BAK1: variants seen among roughly 807,000 people sequenced by gnomAD.
BAK1 encodes BCL2 antagonist/killer 1.
In BAK1, 19 loss-of-function variants were observed where a neutral mutation model predicts 24.7. That is an observed-to-expected ratio of 0.77 (90% CI 0.54 to 1.13). The LOEUF is 1.13. BAK1 is among the 50% of genes most tolerant of loss of function. The probability of loss-of-function intolerance (pLI) is 0.00; values close to 1 mark genes in which losing one functional copy is unlikely to be tolerated. For synonymous variants in BAK1, 86 were observed against 107.3 expected, an observed-to-expected ratio of 0.80 and a Z score of 1.23; for missense variants, 194 against 279.4, an observed-to-expected ratio of 0.69 and a Z score of 2.18.
At position 33,577,950 on chromosome 6, in the gene BAK1, G is replaced by A. The variant is rs1178892663; in HGVS notation, c.-31-315C>T. 6.6e-6 allele frequency among the ~76,000 whole-genome samples: 1 copy of A among 152,196 alleles called. No individual in the cohort carries two copies. The highest frequency in any genetic ancestry group is 1.9e-4 in the East Asian group (1 of 5,196). ...ACTTACTGAACACTCCCTCTTTGAG[G>A]GAGACAGGGTAAGAAGGTGAGGCAG... On this transcript the variant is annotated intron_variant, in intron 1 of 5. Transcript: ENST00000374467. This position sits in a 1 kb window ranked among gnomAD's most constrained non-coding sequence, Gnocchi z 4.6.
At chr6:33,576,930 C>T (rs1762858157) in intron 2 of BAK1, among the ~76,000 whole-genome samples, 1 of 152,228 alleles carries the variant, frequency 6.6e-6, no homozygotes, top group African/African-American at 2.4e-5. Flanking sequence ...TACATCTCAG[C>T]TCCGCAGCCC....
intron 1 of BAK1, among the ~76,000 whole-genome samples, chr6:33,579,516 G>A (rs975092951): frequency 1.3e-5 from 2 of 152,122 alleles, no homozygotes; most frequent in South Asian, 4.1e-4. Context: ...CTTCCGAGGG[G>A]AGCAGGTAGA....
At chr6:33,576,214 C>G (rs188742322) in intron 2 of BAK1, among the ~76,000 whole-genome samples, 7 of 151,488 alleles carry the variant, frequency 4.6e-5, no homozygotes, top group African/African-American at 1.2e-4. Context: ...TGTAATCCCA[C>G]CTACTCAAGA....
rs1561831621 is a variant in BAK1 at position 33,575,961 on chromosome 6, G to A, written c.71-33C>T. ...TCAAAGCTGGGAGTCAGGGAGAGAG[G>A]GCCGAACCCTGGCAGCCCCATGCCT... On this transcript the variant is annotated intron_variant, in intron 2 of 5. Transcript: ENST00000374467. The surrounding 1 kb of genome is among the most constrained non-coding windows in gnomAD (Gnocchi z 6.3). 6.2e-7 allele frequency: 1 copy of A among 1,613,420 alleles called. No individual in the cohort carries two copies. Among genetic ancestry groups the A allele is most frequent in the East Asian group, 2.2e-5 (1 of 44,876 alleles).
rs1195700040 is a variant in BAK1, at chr6:33,572,828, G to T, written c.*975C>A. On this transcript the variant is annotated 3_prime_UTR_variant, in exon 6 of 6. Coordinates refer to ENST00000374467, the MANE Select transcript of BAK1 (RefSeq NM_001188.4). ...ACACTGTGCCAGAGCCATGAGGGAG[G>T]ATCCCACCTCTGGGATTCCTAGTGG... The T allele has an allele frequency of 6.6e-6, 1 of 151,994 alleles. No individual in the cohort carries two copies. Among genetic ancestry groups the T allele is most frequent in the African/African-American group, 2.4e-5 (1 of 41,178 alleles). 9.4% of individuals were successfully genotyped at this position (151,994 alleles called of 1,614,324 possible).
rs781587510 is a variant in BAK1 at position 33,574,234 on chromosome 6, T to G, written c.351-20A>C. 17 of 1,607,712 alleles carry G rather than the reference T, an allele frequency of 1.1e-5. No homozygotes were observed. Among genetic ancestry groups the G allele is most frequent in the Non-Finnish European group, 1.4e-5 (16 of 1,175,132 alleles). ...AACAGGCTGTGGGCAGAGCATCCCA[T>G]AGCATTGGTGGAGAGCCCCCAGGAA... On this transcript the variant is annotated intron_variant, in intron 4 of 5. Transcript: ENST00000374467.
At position 33,575,978 on chromosome 6, in the gene BAK1, C is replaced by T; in HGVS notation, c.71-50G>A. 6.2e-7 allele frequency: 1 copy of T among 1,610,576 alleles called. No individual in the cohort carries two copies. Among genetic ancestry groups the T allele is most frequent in the Non-Finnish European group, 8.5e-7 (1 of 1,177,994 alleles). Reference sequence around the variant, plus strand: ...GGAGAGAGGGCCGAACCCTGGCAGCCCCATGCCTTATAGGGGATTCACTCT... The same window carrying T: ...GGAGAGAGGGCCGAACCCTGGCAGCTCCATGCCTTATAGGGGATTCACTCT... On this transcript the variant is annotated intron_variant, in intron 2 of 5. Coordinates refer to ENST00000374467, the MANE Select transcript of BAK1 (RefSeq NM_001188.4). This position sits in a 1 kb window ranked among gnomAD's most constrained non-coding sequence, Gnocchi z 6.3.
Position 33,577,629 on chromosome 6 carries a change from G to A in BAK1, c.-25C>T. ...TTTTTCAGGTCTCAGTGGAGGACGGGATCAGCCTGCGGGGAAGGGCGAGAA... is the reference window on the plus strand; with the variant it reads ...TTTTTCAGGTCTCAGTGGAGGACGGAATCAGCCTGCGGGGAAGGGCGAGAA... On this transcript the variant is annotated 5_prime_UTR_variant, in exon 2 of 6. Coordinates refer to ENST00000374467, the MANE Select transcript of BAK1 (RefSeq NM_001188.4). The surrounding 1 kb of genome is among the most constrained non-coding windows in gnomAD (Gnocchi z 4.6). 1 of 1,541,832 alleles carries A rather than the reference G, an allele frequency of 6.5e-7. No homozygotes were observed. The highest frequency in any genetic ancestry group is 8.8e-7 in the Non-Finnish European group (1 of 1,139,938).
Position 33,575,631 on chromosome 6 carries a change from C to T in BAK1, c.206+162G>A, listed in dbSNP as rs1414254747. Among the ~76,000 whole-genome samples, 1 of 152,050 alleles carries T rather than the reference C, an allele frequency of 6.6e-6. No homozygotes were observed. Among genetic ancestry groups the T allele is most frequent in the Non-Finnish European group, 1.5e-5 (1 of 68,012 alleles). On this transcript the variant is annotated intron_variant, in intron 3 of 5. Coordinates refer to ENST00000374467, the MANE Select transcript of BAK1 (RefSeq NM_001188.4). The surrounding 1 kb of genome is among the most constrained non-coding windows in gnomAD (Gnocchi z 6.3). ...GGGCAGGCATGGGCTAAAAAGGATA[C>T]AAGGTCCTGGATGGGGGTGGGAGCC...
In BAK1 at chr6:33,575,773, G is replaced by T. The variant is rs764595945; in HGVS notation, c.206+20C>A. 2.3e-5 allele frequency: 37 copies of T among 1,610,868 alleles called. No individual in the cohort carries two copies. Among genetic ancestry groups the T allele is most frequent in the Non-Finnish European group, 2.9e-5 (34 of 1,179,104 alleles). ...TGCCTCCCTGAAGATGTCCTTGTGG[G>T]CCCAGCGGTTGTAGCTCACCTGCTA... On this transcript the variant is annotated intron_variant, in intron 3 of 5. Coordinates refer to ENST00000374467, the MANE Select transcript of BAK1 (RefSeq NM_001188.4). The surrounding 1 kb of genome is among the most constrained non-coding windows in gnomAD (Gnocchi z 6.3).
Position 33,577,434 on chromosome 6 carries a change from G to A in BAK1, c.70+101C>T, listed in dbSNP as rs1582067759. ...GGGAAGAGTATTCCCCACCCACAGT[G>A]GGTGAACCGAGGCGAAGGAGCCTGC... is the stretch of plus-strand genomic sequence containing the variant. On this transcript the variant is annotated intron_variant, in intron 2 of 5. Transcript: ENST00000374467. This position sits in a 1 kb window ranked among gnomAD's most constrained non-coding sequence, Gnocchi z 4.6. The A allele has an allele frequency of 8.6e-7, 1 of 1,167,982 alleles. No individual in the cohort carries two copies. Among genetic ancestry groups the A allele is most frequent in the Non-Finnish European group, 1.2e-6 (1 of 849,598 alleles). The allele number at this position is 1,167,982 out of a possible 1,614,324, so 72.4% of individuals were successfully genotyped here.
chr6:33,575,710 C>T lies in BAK1; in HGVS notation c.206+83G>A. 1 of 1,557,566 alleles carries T rather than the reference C, an allele frequency of 6.4e-7. No homozygotes were observed. Among genetic ancestry groups the T allele is most frequent in the Non-Finnish European group, 8.7e-7 (1 of 1,151,660 alleles). On this transcript the variant is annotated intron_variant, in intron 3 of 5. Transcript: ENST00000374467. This position sits in a 1 kb window ranked among gnomAD's most constrained non-coding sequence, Gnocchi z 6.3. ...AAGGGCAAGACCCCCGAGGCCTCCC[C>T]AGCTCCCAGGACCTGCACAGAGACC... is the stretch of plus-strand genomic sequence containing the variant.
rs1483913095 is a variant in BAK1 at position 33,573,478 on chromosome 6, GA to G, written c.*324del. On this transcript the variant is annotated 3_prime_UTR_variant, in exon 6 of 6. Coordinates refer to ENST00000374467, the MANE Select transcript of BAK1 (RefSeq NM_001188.4). ...AAAACCGTTAAACACTTTCTGGGGA[GA>G]AGTGGCTCCCAGTCTCTTGCCTCCC... The G allele has an allele frequency of 2.8e-6, 1 of 358,986 alleles. No homozygotes were observed. The highest frequency in any genetic ancestry group is 5.1e-6 in the Non-Finnish European group (1 of 196,194). The allele number at this position is 358,986 out of a possible 1,614,324, so 22.2% of individuals were successfully genotyped here.
chr6:33,577,522 G>C lies in BAK1; in HGVS notation c.70+13C>G. 1 of 1,541,562 alleles carries C rather than the reference G, an allele frequency of 6.5e-7. No individual in the cohort carries two copies. The highest frequency in any genetic ancestry group is 8.8e-7 in the Non-Finnish European group (1 of 1,140,978). On this transcript the variant is annotated intron_variant, in intron 2 of 5. Transcript: ENST00000374467. This position sits in a 1 kb window ranked among gnomAD's most constrained non-coding sequence, Gnocchi z 4.6. ...TGGTTATGGGATGGGTGAGGGGGCAGGAAGACCCTTACCAGAAGCAGAGGG... is the reference window on the plus strand; with the variant it reads ...TGGTTATGGGATGGGTGAGGGGGCACGAAGACCCTTACCAGAAGCAGAGGG...
At position 33,575,252 on chromosome 6, in the gene BAK1, C is replaced by T; in HGVS notation, c.350+46G>A. On this transcript the variant is annotated intron_variant, in intron 4 of 5. Coordinates refer to ENST00000374467, the MANE Select transcript of BAK1 (RefSeq NM_001188.4). This position sits in a 1 kb window ranked among gnomAD's most constrained non-coding sequence, Gnocchi z 6.3. The stretch of plus-strand genomic sequence containing the variant: ...CAGGCAGGGTATGGTATGGTTGTGA[C>T]ATGACAGAGGAGTGACTGGAGCTGG... The T allele has an allele frequency of 1.2e-6, 2 of 1,613,828 alleles. No individual in the cohort carries two copies. The highest frequency in any genetic ancestry group is 1.7e-6 in the Non-Finnish European group (2 of 1,179,730).
chr6:33,575,077 A>T lies in BAK1; in HGVS notation c.350+221T>A. ...CTGATCTAACCAGTCAAGACCTTGG[A>T]GTCAGAGCTCAAAAGAGCTGTGAGC... On this transcript the variant is annotated intron_variant, in intron 4 of 5. Coordinates refer to ENST00000374467, the MANE Select transcript of BAK1 (RefSeq NM_001188.4). The surrounding 1 kb of genome is among the most constrained non-coding windows in gnomAD (Gnocchi z 6.3). 1 of 660,820 alleles carries T rather than the reference A, an allele frequency of 1.5e-6. No individual in the cohort carries two copies. The highest frequency in any genetic ancestry group is 2.7e-6 in the Non-Finnish European group (1 of 370,602). 40.9% of individuals were successfully genotyped at this position (660,820 alleles called of 1,614,324 possible). A position where few individuals can be genotyped will look rare whatever the true frequency, so the allele number is the denominator to read the frequency against.
In BAK1 at chr6:33,573,089, G is replaced by GACCTTGGGAGGCAGAAGC. The variant is rs993882511; in HGVS notation, c.*713_*714insGCTTCTGCCTCCCAAGGT. ...GAACTGAGAGGACCTTGGGAGGCAG[G>GACCTTGGGAGGCAGAAGC]CTTGGAGGCTTCTGACACGTGAGTT... On this transcript the variant is annotated 3_prime_UTR_variant, in exon 6 of 6. Transcript: ENST00000374467. 3 of 153,240 alleles carry GACCTTGGGAGGCAGAAGC rather than the reference G, an allele frequency of 2.0e-5. No homozygotes were observed. Among genetic ancestry groups the GACCTTGGGAGGCAGAAGC allele is most frequent in the African/African-American group, 7.2e-5 (3 of 41,550 alleles). 9.5% of individuals were successfully genotyped at this position (153,240 alleles called of 1,614,324 possible). A position where few individuals can be genotyped will look rare whatever the true frequency, so the allele number is the denominator to read the frequency against.
intron 1 of BAK1, among the ~76,000 whole-genome samples, chr6:33,579,108 G>A (rs1561832729): frequency 6.6e-6 from 1 of 152,198 alleles, no homozygotes; most frequent in Non-Finnish European, 1.5e-5. Flanking sequence ...ACAGAACTTT[G>A]CAGCCGGGCA....
Position 33,577,558 on chromosome 6 carries a change from T to G in BAK1, c.47A>C (p.Glu16Ala). The change falls in exon 2 of 6, where the codon GAG becomes GCG. Residue 16 changes from glutamate (E) to alanine (A), a missense_variant. Coordinates refer to ENST00000374467, the MANE Select transcript of BAK1 (RefSeq NM_001188.4). The surrounding 1 kb of genome is among the most constrained non-coding windows in gnomAD (Gnocchi z 4.6). ...ACCAGAAGCAGAGGGCAGGGCAGGC[T>G]CTCCGCACTCCTGCCTGGGAGGACC... is the stretch of plus-strand genomic sequence containing the variant. ...GPGPPRQECG[E>A]PALPSASEEQ... The G allele has an allele frequency of 6.5e-7, 1 of 1,548,846 alleles. No individual in the cohort carries two copies. The highest frequency in any genetic ancestry group is 8.7e-7 in the Non-Finnish European group (1 of 1,145,434).
Sources: allele counts gnomAD v4.1 joint callset (sites outside exome capture counted in the v4.1 genomes callset), GRCh38; gene constraint gnomAD v4.1.1; non-coding constraint Gnocchi (gnomAD v3.1); transcripts MANE v1.5; gene names NCBI Gene and HGNC (gene_info 2026-07-23, HGNC 2026-07-21).